NUP214: variants seen among roughly 807,000 people sequenced by gnomAD.
NUP214 encodes the protein nucleoporin 214.
Under a neutral mutation model 196.2 loss-of-function variants are expected in NUP214, and 79 were observed. The observed-to-expected ratio is 0.40, with a 90% CI of 0.34 to 0.49. NUP214 has a LOEUF of 0.49. Ranked by LOEUF, NUP214 falls within the 20% of genes least tolerant of loss-of-function variation. NUP214 has a pLI of 0.58. For synonymous variants in NUP214, 1,020 were observed against 990.5 expected (o/e 1.03, Z -0.56); for missense variants, 2,468 against 2,539.0 (o/e 0.97, Z 0.60).
intron 32 of NUP214, among the ~76,000 whole-genome samples, chr9:131,225,623 T>C (rs1564221010): frequency 6.6e-6 from 1 of 152,044 alleles, no homozygotes; most frequent in East Asian, 1.9e-4. Flanking sequence ...GAAAGGCCAC[T>C]CCCCCTCATG....
Position 131,174,080 on chromosome 9 carries a change from G to A in NUP214, c.2919G>A (p.Leu973=). 1.2e-6 allele frequency: 2 copies of A among 1,613,134 alleles called. No homozygotes were observed. The highest frequency in any genetic ancestry group is 1.7e-6 in the Non-Finnish European group (2 of 1,179,734). Reference sequence around the variant, plus strand: ...CCAGCCTGTCTCGATCAGCCTTTCTGTCTCAGAGATATTATGAAGACTTGG... The same window carrying A: ...CCAGCCTGTCTCGATCAGCCTTTCTATCTCAGAGATATTATGAAGACTTGG... ...APASLSRSAF[L]SQRYYEDLDE... is the part of the protein sequence containing the mutation. Residue 973 remains leucine (L), a synonymous_variant, in exon 22 of 36, where the codon CTG becomes CTA. Transcript: ENST00000359428.
chr9:131,155,052 T>C (rs770988843), intron 17 of NUP214, among the ~76,000 whole-genome samples: 25 of 152,256 alleles, frequency 1.6e-4, no homozygotes, highest in Admixed American at 3.9e-4. Flanking sequence ...CTTTTAGTTC[T>C]TTAAGAAATC....
intron 4 of NUP214, 66 bp downstream of exon 4, chr9:131,129,543 A>G (rs938975236): frequency 2.0e-5 from 29 of 1,480,288 alleles, no homozygotes; most frequent in Non-Finnish European, 2.7e-5. Context: ...ATTGATTTCT[A>G]GAAGTGAAAG....
chr9:131,175,786 C>G (rs1046975611), intron 23 of NUP214, 165 bp downstream of exon 23: 4 of 1,042,634 alleles, frequency 3.8e-6, no homozygotes, highest in South Asian at 4.8e-5. Flanking sequence ...TCTAAGAAAG[C>G]AGAGACTAGG....
chr9:131,193,256 G>C (rs1040757937), intron 27 of NUP214, among the ~76,000 whole-genome samples: 3 of 152,152 alleles, frequency 2.0e-5, no homozygotes, highest in Non-Finnish European at 4.4e-5. Context: ...GTTAGACTCT[G>C]TGGAACTGAG....
chr9:131,180,374 C>T (rs909794644), intron 24 of NUP214, among the ~76,000 whole-genome samples: 9 of 152,150 alleles, frequency 5.9e-5, no homozygotes, highest in East Asian at 5.8e-4. Context: ...CAGGAAAGAT[C>T]GAGAGAATAT....
intron 14 of NUP214, 126 bp from the exon 15 acceptor site, chr9:131,150,198 A>T (rs575414984): frequency 6.5e-5 from 49 of 758,824 alleles, no homozygotes; most frequent in Non-Finnish European, 9.6e-5. Flanking sequence ...ATAAATAAGG[A>T]TTCGTTACAA....
Position 131,144,579 on chromosome 9 carries a change from C to T in NUP214, c.1594C>T (p.Pro532Ser), listed in dbSNP as rs752824885. The T allele has an allele frequency of 1.3e-4, 216 of 1,614,014 alleles. No homozygotes were observed. The highest frequency in any genetic ancestry group is 6.6e-5 in the South Asian group (6 of 91,090). Residue 532 changes from proline to serine, a missense_variant, in exon 12 of 36, where the codon CCC (proline) becomes TCC (serine). By Grantham distance (74) the Pro-to-Ser change is moderately conservative. Transcript: ENST00000359428. ...TCCCCCTTCTAAAGCCTCCCTAGCC[C>T]CCACCCCTGCAGCGTCTCCTGTGGC... ...FVPPSKASLA[P>S]TPAASPVAPS...
intron 8 of NUP214, chr9:131,135,308 A>G (rs560839910): frequency 1.1e-5 from 3 of 285,636 alleles, no homozygotes; most frequent in East Asian, 6.4e-5. Context: ...GGATCTTGCT[A>G]TGTTGCTCAG....
intron 10 of NUP214, among the ~76,000 whole-genome samples, chr9:131,140,239 A>G (rs1831866330): frequency 2.0e-5 from 3 of 152,266 alleles, no homozygotes; most frequent in South Asian, 2.1e-4. Flanking sequence ...GCCTACCTCC[A>G]CTGAGGTACA....
chr9:131,167,625 A>C (rs1478747971), intron 21 of NUP214: 1 of 152,202 alleles, frequency 6.6e-6, no homozygotes, highest in Non-Finnish European at 1.5e-5. Context: ...CATCTTTGCC[A>C]AACTTGATAT....
chr9:131,222,065 G>A (rs1564218692), intron 31 of NUP214, among the ~76,000 whole-genome samples: 8 of 152,158 alleles, frequency 5.3e-5, no homozygotes, highest in East Asian at 1.9e-4. Flanking sequence ...TTGAGAGGGG[G>A]ATGACCCCCT....
At chr9:131,206,265 C>T (rs907289994) in intron 30 of NUP214, among the ~76,000 whole-genome samples, 14 of 149,902 alleles carry the variant, frequency 9.3e-5, no homozygotes, top group African/African-American at 2.9e-4. Context: ...CCTGCCTTAG[C>T]TACCCAAGTA....
chr9:131,178,268 T>G, intron 23 of NUP214, 43 bp from the exon 24 acceptor site: 1 of 1,489,712 alleles, frequency 6.7e-7, no homozygotes, highest in Non-Finnish European at 9.4e-7. Context: ...TTTTATCCTT[T>G]GCTGGAATTA....
intron 4 of NUP214, among the ~76,000 whole-genome samples, chr9:131,130,212 C>G (rs1171293342): frequency 7.8e-6 from 1 of 127,892 alleles, no homozygotes; most frequent in Admixed American, 1.0e-4. Flanking sequence ...GGCGCGATCT[C>G]AGCTCACTGC....
intron 30 of NUP214, among the ~76,000 whole-genome samples, chr9:131,212,060 C>T (rs1287068820): frequency 6.6e-6 from 1 of 152,080 alleles, no homozygotes; most frequent in East Asian, 1.9e-4. Flanking sequence ...GAATGCATTC[C>T]TAGGGAGAGG....
At chr9:131,193,629 C>CTTTTTTTTTTTTTTTTTTT (rs71389402) in intron 27 of NUP214, among the ~76,000 whole-genome samples, 444 of 28,234 alleles carry the variant, frequency 0.016, 174 homozygotes, top group Non-Finnish European at 0.02. Flanking sequence ...TCTTCCTTTT[C>CTTTTTTTTTTTTTTTTTTT]TTTTTTTTTT....
chr9:131,174,200 T>C lies in NUP214; in HGVS notation c.3039T>C (p.Pro1013=). The stretch of plus-strand genomic sequence containing the variant: ...ATGACGAGGCAGTGGTTCAGGCCCC[T>C]CGGCACGCCCCCGTGGTTCGCACTC... The part of the protein sequence containing the change: ...CKDDEAVVQA[P]RHAPVVRTPS... Residue 1013 remains proline, a synonymous_variant, in exon 22 of 36, where the codon CCT becomes CCC. Transcript: ENST00000359428. The C allele has an allele frequency of 6.2e-7, 1 of 1,613,954 alleles. No individual in the cohort carries two copies. The highest frequency in any genetic ancestry group is 2.2e-5 in the East Asian group (1 of 44,858).
intron 5 of NUP214, among the ~76,000 whole-genome samples, chr9:131,131,867 T>C (rs971452258): frequency 2.0e-5 from 3 of 151,826 alleles, no homozygotes; most frequent in Non-Finnish European, 4.4e-5. Context: ...TTTTGTATTT[T>C]TTGTAGAGAT....
Sources: allele counts gnomAD v4.1 joint callset (sites outside exome capture counted in the v4.1 genomes callset), GRCh38; gene constraint gnomAD v4.1.1; transcripts MANE v1.5; gene names NCBI Gene and HGNC (gene_info 2026-07-23, HGNC 2026-07-21).